HACD2: variants seen among roughly 807,000 people sequenced by gnomAD.
The protein encoded by HACD2 is 3-hydroxyacyl-CoA dehydratase 2, also known as very-long-chain (3R)-3-hydroxyacyl-CoA dehydratase 2.
HACD2 carries 15 observed loss-of-function variants against 31.0 expected under a neutral mutation model. The ratio of observed to expected loss-of-function variants is 0.48; its 90% CI spans 0.32 to 0.75. The LOEUF (loss-of-function observed/expected upper bound fraction) is 0.75. HACD2 is among the 30% of genes least tolerant of loss of function. The pLI is 0.03. For missense variants in HACD2, 283 were observed against 313.0 expected (o/e 0.90, Z 0.72); for synonymous variants, 115 against 122.2 (o/e 0.94, Z 0.39).
At chr3:123,557,855 A>G (rs2056688930) in intron 3 of HACD2, among the ~76,000 whole-genome samples, 2 of 152,264 alleles carry the variant, frequency 1.3e-5, no homozygotes, top group Admixed American at 1.3e-4. Context: ...CAGACACTTT[A>G]GAAGACTGTT....
intron 2 of HACD2, among the ~76,000 whole-genome samples, chr3:123,568,634 C>T (rs1052837948): frequency 1.3e-5 from 2 of 152,308 alleles, no homozygotes; most frequent in African/African-American, 4.8e-5. Context: ...AAATCCCCTT[C>T]CAACTCATCC....
chr3:123,517,415 C>G (rs1448324657), intron 4 of HACD2, among the ~76,000 whole-genome samples: 1 of 152,214 alleles, frequency 6.6e-6, no homozygotes, highest in Non-Finnish European at 1.5e-5. Context: ...ACCTTCAACT[C>G]AATTCAAACA....
intron 4 of HACD2, among the ~76,000 whole-genome samples, chr3:123,503,957 C>T (rs779550357): frequency 6.6e-6 from 1 of 152,180 alleles, no homozygotes; most frequent in Non-Finnish European, 1.5e-5. Context: ...AATAAGTAGT[C>T]ATTTACATAT....
chr3:123,546,738 T>C (rs930646532), intron 3 of HACD2, among the ~76,000 whole-genome samples: 3 of 152,250 alleles, frequency 2.0e-5, no homozygotes, highest in African/African-American at 7.2e-5. Context: ...CTTATCCTTT[T>C]ATAGTTGAGA....
At position 123,492,870 on chromosome 3, in the gene HACD2, G is replaced by C. The variant is rs1459962972; in HGVS notation, c.*2018C>G. ...TACATTATGGAAGAATAAAATGAGA[G>C]AAAAGTCATGCAAAAAATCTTTCCC... On this transcript the variant is annotated 3_prime_UTR_variant, in exon 7 of 7. Coordinates refer to ENST00000383657, the MANE Select transcript of HACD2 (RefSeq NM_198402.5). 6.6e-6 allele frequency: 1 copy of C among 152,122 alleles called. No individual in the cohort carries two copies. Among genetic ancestry groups the C allele is most frequent in the Non-Finnish European group, 1.5e-5 (1 of 68,020 alleles). The allele number at this position is 152,122 out of a possible 1,614,324, so 9.4% of individuals were successfully genotyped here. A position where few individuals can be genotyped will look rare whatever the true frequency, so the allele number is the denominator to read the frequency against.
At chr3:123,582,465 A>G in intron 1 of HACD2, 136 bp from the exon 2 acceptor site, 1 of 520,656 alleles carries the variant, frequency 1.9e-6, no homozygotes, top group Non-Finnish European at 3.4e-6. Flanking sequence ...TATGGACGAT[A>G]GCTCTCAAAT....
At chr3:123,554,053 T>C (rs2056647571) in intron 3 of HACD2, among the ~76,000 whole-genome samples, 2 of 3,648 alleles carry the variant, frequency 5.5e-4, no homozygotes, top group African/African-American at 2.7e-3. Context: ...CTTGTTTTTA[T>C]GTTTCCCTTG....
intron 3 of HACD2, among the ~76,000 whole-genome samples, chr3:123,563,642 TATACACAC>T (rs1460550692): frequency 2.5e-4 from 26 of 105,216 alleles, no homozygotes; most frequent in South Asian, 6.1e-4. Context: ...AAAAAATATA[TATACACAC>T]ACACACACAC....
chr3:123,565,729 G>T (rs1488330964), intron 3 of HACD2, among the ~76,000 whole-genome samples: 1 of 152,148 alleles, frequency 6.6e-6, no homozygotes, highest in East Asian at 1.9e-4. Flanking sequence ...ATGAGGCAGG[G>T]TTCAGTCATG....
intron 3 of HACD2, among the ~76,000 whole-genome samples, chr3:123,536,085 A>G (rs2056422071): frequency 6.6e-6 from 1 of 152,218 alleles, no homozygotes; most frequent in Non-Finnish European, 1.5e-5. Flanking sequence ...AGAATTTTAT[A>G]CACATTCTTC....
chr3:123,516,157 C>A (rs1428216319), intron 4 of HACD2, among the ~76,000 whole-genome samples: 1 of 151,862 alleles, frequency 6.6e-6, no homozygotes, highest in African/African-American at 2.4e-5. Flanking sequence ...AAATACTATT[C>A]CTATTTTATG....
chr3:123,556,775 C>T (rs2056676796), intron 3 of HACD2, among the ~76,000 whole-genome samples: 1 of 152,092 alleles, frequency 6.6e-6, no homozygotes, highest in Non-Finnish European at 1.5e-5. Context: ...AAAAAACAAT[C>T]CAACTGAAAA....
intron 2 of HACD2, among the ~76,000 whole-genome samples, chr3:123,574,167 T>G (rs929398305): frequency 6.6e-6 from 1 of 152,360 alleles, no homozygotes; most frequent in East Asian, 1.9e-4. Flanking sequence ...CAGATAATCA[T>G]TCATTCATCA....
intron 3 of HACD2, among the ~76,000 whole-genome samples, chr3:123,537,002 A>G (rs2107715072): frequency 6.6e-6 from 1 of 152,356 alleles, no homozygotes; most frequent in South Asian, 2.1e-4. Flanking sequence ...TGGAGAAGTC[A>G]TAATAAAAAT....
rs112320717 is a variant in HACD2 at position 123,548,417 on chromosome 3, A to G, written c.292+19345T>C. Reference sequence around the variant, plus strand: ...TCTGCAGATGACTACAGCCCTAGCCAACACTTTGACCGCAACTGCATGAGA... The same window carrying G: ...TCTGCAGATGACTACAGCCCTAGCCGACACTTTGACCGCAACTGCATGAGA... On this transcript the variant is annotated intron_variant, in intron 3 of 6. Transcript: ENST00000383657. Among the ~76,000 whole-genome samples, 639 of 152,242 alleles carry G rather than the reference A, an allele frequency of 4.2e-3. 3 individuals are homozygous for G. Among genetic ancestry groups the G allele is most frequent in the African/African-American group, 0.015 (606 of 41,548 alleles).
chr3:123,519,267 C>T (rs539371963), intron 4 of HACD2, among the ~76,000 whole-genome samples: 2 of 152,274 alleles, frequency 1.3e-5, no homozygotes, highest in East Asian at 3.9e-4. Context: ...TACACCAAGG[C>T]ACATCTTACA....
intron 4 of HACD2, among the ~76,000 whole-genome samples, chr3:123,525,823 C>A (rs1271189125): frequency 6.6e-6 from 1 of 152,170 alleles, no homozygotes; most frequent in Non-Finnish European, 1.5e-5. Context: ...TTTCTAAGGT[C>A]AATTTCCTTA....
chr3:123,512,087 C>G (rs924161473), intron 4 of HACD2, among the ~76,000 whole-genome samples: 1 of 152,134 alleles, frequency 6.6e-6, no homozygotes. Flanking sequence ...CCAAATAGAC[C>G]TCTTTTCTTT....
intron 6 of HACD2, among the ~76,000 whole-genome samples, chr3:123,500,193 C>G (rs182811272): frequency 6.6e-6 from 1 of 152,286 alleles, no homozygotes; most frequent in African/African-American, 2.4e-5. Flanking sequence ...AAACTACAAT[C>G]AAGGTAAGGC....
Sources: allele counts gnomAD v4.1 joint callset (sites outside exome capture counted in the v4.1 genomes callset), GRCh38; gene constraint gnomAD v4.1.1; transcripts MANE v1.5; gene names NCBI Gene and HGNC (gene_info 2026-07-23, HGNC 2026-07-21).